Variants in CIMIP6 observed in about 807,000 individuals in gnomAD.
The protein encoded by CIMIP6 is uncharacterized protein C2orf73.
At chr2:54,348,973 G>A in the CIMIP6 span, among the ~76,000 whole-genome samples, 1 of 152,172 alleles carries the variant, frequency 6.6e-6, no homozygotes, top group Non-Finnish European at 1.5e-5. Flanking sequence ...GTCCCTGTAA[G>A]AATAAGTGTT....
the CIMIP6 span, among the ~76,000 whole-genome samples, chr2:54,355,982 G>T: frequency 1.3e-5 from 2 of 152,136 alleles, no homozygotes; most frequent in East Asian, 3.9e-4. Flanking sequence ...CTGAAGACCA[G>T]GGTCTGGTTT....
the CIMIP6 span, chr2:54,334,816 G>A: frequency 6.5e-7 from 1 of 1,530,790 alleles, no homozygotes; most frequent in Non-Finnish European, 8.8e-7. Flanking sequence ...ATGTTTTTCA[G>A]ACAGCATAAA....
the CIMIP6 span, among the ~76,000 whole-genome samples, chr2:54,362,896 GT>G: frequency 6.6e-6 from 1 of 152,126 alleles, no homozygotes; most frequent in Non-Finnish European, 1.5e-5. Context: ...CAAGAATTCC[GT>G]GACACTTTCT....
At chr2:54,379,054 C>T in the CIMIP6 span, among the ~76,000 whole-genome samples, 2 of 152,110 alleles carry the variant, frequency 1.3e-5, no homozygotes, top group Non-Finnish European at 2.9e-5. Context: ...AATAAACCAA[C>T]GAAGAAACAA....
chr2:54,376,088 T>C, the CIMIP6 span, among the ~76,000 whole-genome samples: 1 of 152,216 alleles, frequency 6.6e-6, no homozygotes, highest in East Asian at 1.9e-4. Flanking sequence ...AAGTCTGGAA[T>C]GCATTAGCAT....
chr2:54,356,776 C>T, the CIMIP6 span, among the ~76,000 whole-genome samples: 1 of 152,152 alleles, frequency 6.6e-6, no homozygotes, highest in Non-Finnish European at 1.5e-5. Context: ...TTCAAAGTCA[C>T]ACAACTAGGA....
At chr2:54,359,200 G>T in the CIMIP6 span, 1 of 650,284 alleles carries the variant, frequency 1.5e-6, no homozygotes, top group Non-Finnish European at 2.7e-6. Context: ...TAATAGGATA[G>T]AATGTTAGCC....
At chr2:54,334,554 A>C in the CIMIP6 span, among the ~76,000 whole-genome samples, 1 of 152,270 alleles carries the variant, frequency 6.6e-6, no homozygotes, top group East Asian at 1.9e-4. Context: ...CTCTTTCTTT[A>C]CTCCAAGCAA....
the CIMIP6 span, among the ~76,000 whole-genome samples, chr2:54,336,661 A>G: frequency 6.6e-6 from 1 of 152,228 alleles, no homozygotes; most frequent in Non-Finnish European, 1.5e-5. Context: ...GAATAGATCA[A>G]ACAAGTAAGC....
At chr2:54,340,257 C>T in the CIMIP6 span, among the ~76,000 whole-genome samples, 7 of 18,952 alleles carry the variant, frequency 3.7e-4, 2 homozygotes, top group Admixed American at 1.9e-3. Context: ...AAAGCCATCA[C>T]GCTAGGTAAC....
chr2:54,375,578 T>G, the CIMIP6 span, among the ~76,000 whole-genome samples: 2 of 152,218 alleles, frequency 1.3e-5, no homozygotes, highest in Admixed American at 6.5e-5. Flanking sequence ...CGTGTATATG[T>G]TTTTACTTTA....
At chr2:54,337,975 T>A in the CIMIP6 span, among the ~76,000 whole-genome samples, 1 of 151,442 alleles carries the variant, frequency 6.6e-6, no homozygotes, top group Non-Finnish European at 1.5e-5. Context: ...TACAAAAAAA[T>A]AAAAATAAAA....
chr2:54,381,189 G>A, the CIMIP6 span, among the ~76,000 whole-genome samples: 15 of 152,062 alleles, frequency 9.9e-5, no homozygotes, highest in Admixed American at 2.0e-4. Flanking sequence ...CTGCCCCACC[G>A]TTCTCTGCCC....
At chr2:54,342,789 C>T in the CIMIP6 span, among the ~76,000 whole-genome samples, 44 of 152,172 alleles carry the variant, frequency 2.9e-4, no homozygotes, top group African/African-American at 8.7e-4. Flanking sequence ...TTATAGCCCA[C>T]GGTAGGTGTT....
At chr2:54,372,582 G>A in the CIMIP6 span, among the ~76,000 whole-genome samples, 4 of 152,170 alleles carry the variant, frequency 2.6e-5, no homozygotes, top group African/African-American at 9.7e-5. Context: ...TAAGAAGTTT[G>A]ACTACTCTGG....
the CIMIP6 span, among the ~76,000 whole-genome samples, chr2:54,346,297 T>C: frequency 6.6e-6 from 1 of 152,156 alleles, no homozygotes; most frequent in African/African-American, 2.4e-5. Context: ...GGTGCTAACA[T>C]CATTATTTGC....
At chr2:54,354,652 C>G in the CIMIP6 span, among the ~76,000 whole-genome samples, 1 of 151,876 alleles carries the variant, frequency 6.6e-6, no homozygotes, top group Admixed American at 6.6e-5. Context: ...TAGAGAAATG[C>G]TCTTGATTTT....
chr2:54,378,599 G>A, the CIMIP6 span, among the ~76,000 whole-genome samples: 4 of 152,082 alleles, frequency 2.6e-5, no homozygotes, highest in Admixed American at 2.6e-4. Flanking sequence ...AGCTTTCTCA[G>A]GAAACAGAGC....
At chr2:54,340,668 T>A in the CIMIP6 span, among the ~76,000 whole-genome samples, 1 of 152,210 alleles carries the variant, frequency 6.6e-6, no homozygotes, top group African/African-American at 2.4e-5. Context: ...CCAGTCACAT[T>A]TTAGGAAAAA....
Sources: allele counts gnomAD v4.1 joint callset (sites outside exome capture counted in the v4.1 genomes callset), GRCh38; gene constraint gnomAD v4.1.1; transcripts MANE v1.5; gene names NCBI Gene and HGNC (gene_info 2026-07-23, HGNC 2026-07-21).